Variants in LGALS8 observed in about 807,000 individuals in gnomAD.
LGALS8 encodes the protein galectin-8.
LGALS8 carries 30 observed loss-of-function variants against 35.9 expected under a neutral mutation model. The ratio of observed to expected loss-of-function variants is 0.83; its 90% CI spans 0.62 to 1.13. LGALS8 has a LOEUF of 1.13. Ranked by LOEUF, LGALS8 falls within the 50% of genes most tolerant of loss-of-function variation. The pLI is 0.00. For synonymous variants in LGALS8, 138 were observed against 136.1 expected, an observed-to-expected ratio of 1.01 and a Z score of -0.10; for missense variants, 366 against 388.7, an observed-to-expected ratio of 0.94 and a Z score of 0.49.
At position 236,526,663 on chromosome 1, in the gene LGALS8, C is replaced by T. The variant is rs547877308; in HGVS notation, c.45+548C>T. ...AATTGCTGGAAATTGCCCTGTAATCCTGAGCAGTAAAGAGCTTGTTTTAGT... is the reference window on the plus strand; with the variant it reads ...AATTGCTGGAAATTGCCCTGTAATCTTGAGCAGTAAAGAGCTTGTTTTAGT... On this transcript the variant is annotated intron_variant, in intron 2 of 9. Transcript: ENST00000366584. This position sits in a 1 kb window ranked among gnomAD's most constrained non-coding sequence, Gnocchi z 4.6. Among the ~76,000 whole-genome samples the T allele has an allele frequency of 1.3e-5, 2 of 152,246 alleles. No homozygotes were observed. Among genetic ancestry groups the T allele is most frequent in the African/African-American group, 2.4e-5 (1 of 41,544 alleles).
intron 2 of LGALS8, among the ~76,000 whole-genome samples, chr1:236,531,637 CT>C (rs1390042602): frequency 6.6e-6 from 1 of 151,920 alleles, no homozygotes; most frequent in Non-Finnish European, 1.5e-5. Context: ...ATTTTATTAT[CT>C]TTATTTGCTT....
At chr1:236,539,775 C>T (rs1014233851) in intron 4 of LGALS8, among the ~76,000 whole-genome samples, 3 of 152,204 alleles carry the variant, frequency 2.0e-5, no homozygotes, top group African/African-American at 7.2e-5. Flanking sequence ...TCCCAAACTC[C>T]ATTCACCTCT....
chr1:236,542,710 C>G (rs371370551), intron 6 of LGALS8, 51 bp from the exon 7 acceptor site: 2 of 1,589,224 alleles, frequency 1.3e-6, no homozygotes, highest in Non-Finnish European at 1.7e-6. Flanking sequence ...AGATTATAAA[C>G]TATAATTCTT....
chr1:236,543,835 G>A (rs1436469709), intron 8 of LGALS8, among the ~76,000 whole-genome samples, 187 bp downstream of exon 8: 2 of 152,080 alleles, frequency 1.3e-5, no homozygotes, highest in African/African-American at 4.8e-5. Context: ...GACTAAGGCC[G>A]TGTTCTGACC....
chr1:236,532,882 C>G (rs1015168158), intron 2 of LGALS8, among the ~76,000 whole-genome samples: 2 of 152,072 alleles, frequency 1.3e-5, no homozygotes, highest in Non-Finnish European at 2.9e-5. Context: ...AACCTGTTTT[C>G]TCCCCAGCTT....
At chr1:236,533,051 C>T (rs1166336666) in intron 2 of LGALS8, among the ~76,000 whole-genome samples, 3 of 152,196 alleles carry the variant, frequency 2.0e-5, no homozygotes, top group Non-Finnish European at 2.9e-5. Context: ...CTCCTGACCT[C>T]TGGCTTATTT....
In LGALS8 at chr1:236,537,603, A is replaced by G. The variant is rs768652927; in HGVS notation, c.134+18A>G. The G allele has an allele frequency of 1.2e-5, 19 of 1,527,894 alleles. No homozygotes were observed. In the Admixed American group the frequency reaches 2.5e-4, roughly 20 times the overall value. The allele number at this position is 1,527,894 out of a possible 1,614,324, so 94.6% of individuals were successfully genotyped here. ...GCAGACAGGTAAAATCACTGTGCTA[A>G]AGGAAGGAGCATGAATAGGCTGTCT... On this transcript the variant is annotated intron_variant, in intron 3 of 9. Coordinates refer to ENST00000366584, the MANE Select transcript of LGALS8 (RefSeq NM_201544.4).
chr1:236,524,883 GT>G (rs372701706), intron 1 of LGALS8: 33 of 162,020 alleles, frequency 2.0e-4, no homozygotes, highest in Non-Finnish European at 3.6e-4. Context: ...GAGGGATACA[GT>G]TTTTTTTCTT....
At chr1:236,537,021 C>CTTTTTTTTTGTTT (rs1553276793) in intron 2 of LGALS8, among the ~76,000 whole-genome samples, 5 of 137,890 alleles carry the variant, frequency 3.6e-5, no homozygotes, top group South Asian at 4.4e-4. Context: ...TATGCAGTTC[C>CTTTTTTTTTGTTT]TTTTTTTTTT....
At chr1:236,528,639 C>T (rs1383823204) in intron 2 of LGALS8, among the ~76,000 whole-genome samples, 1 of 149,692 alleles carries the variant, frequency 6.7e-6, no homozygotes, top group South Asian at 2.1e-4. Context: ...GCAACCTCCA[C>T]CTCCTGGGCT....
At position 236,548,045 on chromosome 1, in the gene LGALS8, G is replaced by A. The variant is rs2103113396; in HGVS notation, c.838G>A (p.Val280Ile). ...IIYCDVREFK[V>I]AVNGVHSLEY... ...TTATTGTGATGTTAGAGAATTCAAG[G>A]TTGCAGTAAATGGCGTACACAGCCT... Residue 280 changes from valine (V) to isoleucine (I), a missense_variant, in exon 10 of 10, where the codon GTT (valine) becomes ATT (isoleucine). By Grantham distance (29) the Val-to-Ile change is conservative. Coordinates refer to ENST00000366584, the MANE Select transcript of LGALS8 (RefSeq NM_201544.4). 6.2e-7 allele frequency: 1 copy of A among 1,612,104 alleles called. No individual in the cohort carries two copies.
rs775801391 is a variant in LGALS8, at chr1:236,524,075, C to T, written c.-104+14C>T. On this transcript the variant is annotated intron_variant, in intron 1 of 9. Coordinates refer to ENST00000366584, the MANE Select transcript of LGALS8 (RefSeq NM_201544.4). ...ACCAGTCTTTGGGTGAGTCGCGCGA[C>T]CCCCGGCCTCGGGTGGCGGGGCAGT... 1 of 454,918 alleles carries T rather than the reference C, an allele frequency of 2.2e-6. No individual in the cohort carries two copies. The highest frequency in any genetic ancestry group is 4.4e-6 in the Non-Finnish European group (1 of 226,646). 28.2% of individuals were successfully genotyped at this position (454,918 alleles called of 1,614,324 possible).
chr1:236,539,887 T>G (rs1284144810), intron 4 of LGALS8, among the ~76,000 whole-genome samples: 1 of 152,192 alleles, frequency 6.6e-6, no homozygotes, highest in Non-Finnish European at 1.5e-5. Flanking sequence ...CACAATGGGA[T>G]TTTAAGCTCC....
intron 3 of LGALS8, among the ~76,000 whole-genome samples, chr1:236,537,934 T>TA (rs1553277041): frequency 4.7e-4 from 60 of 128,854 alleles, no homozygotes; most frequent in Middle Eastern, 3.8e-3. Context: ...CCCCCATCTG[T>TA]AAAAAAAAAA....
chr1:236,522,281 A>G (rs1179894375), upstream of LGALS8, among the ~76,000 whole-genome samples: 1 of 152,166 alleles, frequency 6.6e-6, no homozygotes, highest in African/African-American at 2.4e-5. Flanking sequence ...TACTTATTTC[A>G]ACTTATTTTA....
chr1:236,540,708 G>A (rs1383105933), intron 5 of LGALS8, 25 bp downstream of exon 5: 2 of 1,579,536 alleles, frequency 1.3e-6, no homozygotes, highest in East Asian at 4.5e-5. Flanking sequence ...ACAGCTTGGG[G>A]TCTTTTATGA....
rs1199234833 is a variant in LGALS8, at chr1:236,549,025, T to C, written c.*864T>C. ...ATGCATTCAATTTGAAAGATATTTATGGGCAACAAAGTAAGGTCAGGATTA... is the reference window on the plus strand; with the variant it reads ...ATGCATTCAATTTGAAAGATATTTACGGGCAACAAAGTAAGGTCAGGATTA... On this transcript the variant is annotated 3_prime_UTR_variant, in exon 10 of 10. Transcript: ENST00000366584. The C allele has an allele frequency of 7.5e-6, 3 of 398,492 alleles. No individual in the cohort carries two copies. The highest frequency in any genetic ancestry group is 4.4e-5 in the Admixed American group (1 of 22,720). 24.7% of individuals were successfully genotyped at this position (398,492 alleles called of 1,614,324 possible).
At chr1:236,543,928 G>GT (rs1662194540) in intron 8 of LGALS8, among the ~76,000 whole-genome samples, 1 of 148,270 alleles carries the variant, frequency 6.7e-6, no homozygotes, top group South Asian at 2.2e-4. Flanking sequence ...GAGCAGCCCC[G>GT]TAAGATCAGG....
chr1:236,534,742 A>G (rs925988678), intron 2 of LGALS8, among the ~76,000 whole-genome samples: 2 of 152,192 alleles, frequency 1.3e-5, no homozygotes, highest in African/African-American at 4.8e-5. Flanking sequence ...ACCTATAAAC[A>G]GTTGTGAACA....
Sources: allele counts gnomAD v4.1 joint callset (sites outside exome capture counted in the v4.1 genomes callset), GRCh38; gene constraint gnomAD v4.1.1; non-coding constraint Gnocchi (gnomAD v3.1); transcripts MANE v1.5; gene names NCBI Gene and HGNC (gene_info 2026-07-23, HGNC 2026-07-21).